Variants in PTPRF observed in about 807,000 individuals in gnomAD.
PTPRF encodes receptor-type tyrosine-protein phosphatase F.
In PTPRF, 59 loss-of-function variants were observed where a neutral mutation model predicts 201.8. The observed-to-expected ratio is 0.29, with a 90% CI of 0.24 to 0.36. The LOEUF (loss-of-function observed/expected upper bound fraction) is 0.36, where lower values mean the gene tolerates loss of function less well. Among genes scored for constraint, PTPRF ranks in the 10% least tolerant of loss-of-function variants. The probability of loss-of-function intolerance (pLI) is 1.00; values close to 1 mark genes in which losing one functional copy is unlikely to be tolerated. For missense variants in PTPRF, 2,132 were observed against 2,690.5 expected, an observed-to-expected ratio of 0.79 and a Z score of 4.59; for synonymous variants, 1,088 against 1,089.7, an observed-to-expected ratio of 1.00 and a Z score of 0.03.
intron 22 of PTPRF, chr1:43,612,938 A>G (rs1557856345): frequency 2.8e-6 from 2 of 712,972 alleles, no homozygotes; most frequent in South Asian, 1.5e-5. Flanking sequence ...CCCCAATCCC[A>G]CTGTCTCCTA....
intron 3 of PTPRF, among the ~76,000 whole-genome samples, chr1:43,547,184 C>T (rs1191904590): frequency 2.0e-5 from 3 of 152,204 alleles, no homozygotes; most frequent in Non-Finnish European, 2.9e-5. Flanking sequence ...TCCCTCCACC[C>T]ACCCCACTCA....
intron 3 of PTPRF, among the ~76,000 whole-genome samples, chr1:43,552,248 C>T (rs1645083305): frequency 6.6e-6 from 1 of 152,272 alleles, no homozygotes; most frequent in South Asian, 2.1e-4. Flanking sequence ...GCTTTGGCCC[C>T]CACCCACCAC....
At position 43,591,813 on chromosome 1, in the gene PTPRF, G is replaced by T; in HGVS notation, c.1533G>T (p.Val511=). Reference sequence around the variant, plus strand: ...CCTGCCTGGTGTGGGGTGTTGCAGTGCCTGCCCAGCCCGCGGACTTCCAGG... The same window carrying T: ...CCTGCCTGGTGTGGGGTGTTGCAGTTCCTGCCCAGCCCGCGGACTTCCAGG... The part of the protein sequence containing the change: ...PTIQVKTQQG[V]PAQPADFQAE... The change falls in exon 10 of 34, where the codon GTG becomes GTT. Residue 511 remains valine, a splice_region_variant and synonymous_variant. Coordinates refer to ENST00000359947, the MANE Select transcript of PTPRF (RefSeq NM_002840.5). 6.2e-7 allele frequency: 1 copy of T among 1,613,148 alleles called. No homozygotes were observed. The highest frequency in any genetic ancestry group is 8.5e-7 in the Non-Finnish European group (1 of 1,179,952).
In PTPRF at chr1:43,598,052, C is replaced by T. The variant is rs751206790; in HGVS notation, c.2118C>T (p.Asp706=). The change falls in exon 12 of 34, where the codon GAC becomes GAT. Residue 706 remains aspartate, a splice_region_variant and synonymous_variant. Coordinates refer to ENST00000359947, the MANE Select transcript of PTPRF (RefSeq NM_002840.5). The part of the protein sequence containing the change: ...SSPVLVRTDE[D]VPSGPPRKVE... Reference sequence around the variant, plus strand: ...CGGTGCTGGTGCGCACCGATGAGGACGGTAGGCAGTGCCACCGGGGCGGGA... The same window carrying T: ...CGGTGCTGGTGCGCACCGATGAGGATGGTAGGCAGTGCCACCGGGGCGGGA... The T allele has an allele frequency of 3.5e-5, 52 of 1,471,224 alleles. No individual in the cohort carries two copies. The Admixed American group carries it at 4.1e-4, about 11-fold the overall frequency. 91.1% of individuals were successfully genotyped at this position (1,471,224 alleles called of 1,614,324 possible).
upstream of PTPRF, among the ~76,000 whole-genome samples, chr1:43,526,431 C>CA (rs199965416): frequency 2.5e-4 from 38 of 151,170 alleles, 1 homozygote; most frequent in South Asian, 1.9e-3. Context: ...TTTGTCCCTA[C>CA]AAAAAAAATT....
chr1:43,604,024 A>C lies in PTPRF; in HGVS notation c.2872A>C (p.Ile958Leu), dbSNP rs763519084. The change falls in exon 16 of 34, where the codon ATC becomes CTC. Residue 958 changes from isoleucine (I) to leucine (L), a missense_variant. Ile to Leu is a conservative substitution (Grantham distance 5, BLOSUM62 2). This residue lies in a region of PTPRF where 818 missense variants were observed against 915.3 expected (regional missense o/e 0.89). Coordinates refer to ENST00000359947, the MANE Select transcript of PTPRF (RefSeq NM_002840.5). ...CAGCTACACCGTGGTGTTCCGAGACATCAACAGCCAACAGGAGCTGCAGAA... is the reference window on the plus strand; with the variant it reads ...CAGCTACACCGTGGTGTTCCGAGACCTCAACAGCCAACAGGAGCTGCAGAA... ...IISYTVVFRD[I>L]NSQQELQNIT... The C allele has an allele frequency of 1.4e-5, 22 of 1,614,090 alleles. No individual in the cohort carries two copies. The highest frequency in any genetic ancestry group is 8.9e-5 in the East Asian group (4 of 44,902).
intron 22 of PTPRF, chr1:43,613,022 G>A (rs367629168): frequency 1.4e-4 from 52 of 369,568 alleles, no homozygotes; most frequent in South Asian, 7.0e-4. Context: ...CACCGGCCCC[G>A]TCTCTGTTCT....
chr1:43,590,672 G>A (rs1490981782), intron 8 of PTPRF, among the ~76,000 whole-genome samples: 1 of 152,232 alleles, frequency 6.6e-6, no homozygotes, highest in Non-Finnish European at 1.5e-5. Flanking sequence ...ATCACCTCCA[G>A]GTCTGTTTGT....
rs143833153 is a variant in PTPRF, at chr1:43,603,793, G to A, written c.2641G>A (p.Gly881Ser). Residue 881 changes from glycine to serine, a missense_variant, in exon 16 of 34, where the codon GGC (glycine) becomes AGC (serine). Physicochemically the swap from Gly to Ser is moderately conservative, Grantham distance 56. This residue lies in a region of PTPRF where 818 missense variants were observed against 915.3 expected (regional missense o/e 0.89). Transcript: ENST00000359947. This position sits in a 1 kb window ranked among gnomAD's most constrained non-coding sequence, Gnocchi z 5.8. Reference protein sequence around the residue: ...GKDDQHFTVTGLHKGTTYIFR... With the variant: ...GKDDQHFTVTSLHKGTTYIFR... Reference sequence around the variant, plus strand: ...GGATGACCAGCACTTCACAGTCACCGGCCTGCACAAGGGGACCACCTACAT... The same window carrying A: ...GGATGACCAGCACTTCACAGTCACCAGCCTGCACAAGGGGACCACCTACAT... 253 of 1,613,986 alleles carry A rather than the reference G, an allele frequency of 1.6e-4. No homozygotes were observed. The highest frequency in any genetic ancestry group is 3.2e-4 in the African/African-American group (24 of 74,948).
intron 8 of PTPRF, among the ~76,000 whole-genome samples, chr1:43,590,713 C>A (rs748360050): frequency 2.0e-5 from 3 of 152,208 alleles, no homozygotes; most frequent in Non-Finnish European, 2.9e-5. Flanking sequence ...ATGGGAGGGT[C>A]CAGTGAATCC....
intron 22 of PTPRF, 132 bp from the exon 23 acceptor site, chr1:43,613,486 C>A: frequency 1.3e-6 from 1 of 764,722 alleles, no homozygotes; most frequent in Non-Finnish European, 2.4e-6. Context: ...GTGCTGCTGT[C>A]TCCATGCCAC....
In PTPRF at chr1:43,621,155, C is replaced by T. The variant is rs1570758725; in HGVS notation, c.5578C>T (p.Arg1860Cys). 3.1e-6 allele frequency: 5 copies of T among 1,613,974 alleles called. No homozygotes were observed. Among genetic ancestry groups the T allele is most frequent in the East Asian group, 2.2e-5 (1 of 44,898 alleles). ...TCTGAGCATCGTCCTGGAGCGCATG[C>T]GCTACGAGGGCGTGGTCGACATGTT... ...ITLSIVLERM[R>C]YEGVVDMFQT... Residue 1860 changes from arginine (R) to cysteine (C), a missense_variant, in exon 33 of 34, where the codon CGC (arginine) becomes TGC (cysteine). Around this residue, in one of 6 missense-constraint regions of PTPRF, gnomAD observed 519 missense variants for 659.5 expected, o/e 0.79. Transcript: ENST00000359947.
intron 17 of PTPRF, 31 bp downstream of exon 17, chr1:43,605,031 G>GCA: frequency 6.2e-7 from 1 of 1,603,422 alleles, no homozygotes; most frequent in Non-Finnish European, 8.5e-7. Flanking sequence ...GCTGAGCCTG[G>GCA]CACACACACA....
intron 7 of PTPRF, among the ~76,000 whole-genome samples, chr1:43,581,621 C>G (rs1335174246): frequency 6.6e-6 from 1 of 152,252 alleles, no homozygotes. Flanking sequence ...CTCAGCAGTA[C>G]TAGGGGCCCT....
At position 43,588,234 on chromosome 1, in the gene PTPRF, C is replaced by T. The variant is rs778882583; in HGVS notation, c.680-497C>T. Among the ~76,000 whole-genome samples the T allele has an allele frequency of 6.6e-6, 1 of 152,132 alleles. No homozygotes were observed. The highest frequency in any genetic ancestry group is 1.5e-5 in the Non-Finnish European group (1 of 68,036). ...CCTGGAGGTGGAGGCAGTGACTCCA[C>T]GGCAGGTGGCTGTGTCCCTCTGGAC... On this transcript the variant is annotated intron_variant, in intron 7 of 33. Coordinates refer to ENST00000359947, the MANE Select transcript of PTPRF (RefSeq NM_002840.5). The surrounding 1 kb of genome is among the most constrained non-coding windows in gnomAD (Gnocchi z 5.3).
At chr1:43,617,378 C>T in intron 23 of PTPRF, 67 bp from the exon 24 acceptor site, 1 of 1,599,262 alleles carries the variant, frequency 6.3e-7, no homozygotes, top group Non-Finnish European at 8.5e-7. Flanking sequence ...AGGCTGGGTC[C>T]CCTGCAGGAG....
rs1655126494 is a variant in PTPRF at position 43,606,425 on chromosome 1, T to C, written c.3669T>C (p.Phe1223=). ...PLSPDLSYQC[F]VLASLKEPMD... ...CTCCGGACTTGAGCTACCAGTGCTTTGTGCTTGCCTCCTTGAAGGAACCCA... is the reference window on the plus strand; with the variant it reads ...CTCCGGACTTGAGCTACCAGTGCTTCGTGCTTGCCTCCTTGAAGGAACCCA... The change falls in exon 20 of 34, where the codon TTT becomes TTC. Residue 1223 remains phenylalanine (F), a synonymous_variant. Transcript: ENST00000359947. The C allele has an allele frequency of 1.2e-6, 2 of 1,614,096 alleles. No homozygotes were observed. The highest frequency in any genetic ancestry group is 1.1e-5 in the South Asian group (1 of 91,082).
At chr1:43,604,584 G>A (rs915024466) in intron 16 of PTPRF, among the ~76,000 whole-genome samples, 2 of 152,172 alleles carry the variant, frequency 1.3e-5, no homozygotes, top group African/African-American at 2.4e-5. Context: ...TCTCATGACC[G>A]AAACCCACTG....
chr1:43,608,189 G>A (rs1185655267), intron 21 of PTPRF, among the ~76,000 whole-genome samples: 1 of 152,190 alleles, frequency 6.6e-6, no homozygotes, highest in African/African-American at 2.4e-5. Context: ...CAGAGAGGTA[G>A]ACCCCCTCCC....
Sources: gnomAD v4.1 joint callset for allele counts (sites outside exome capture counted in the v4.1 genomes callset) on GRCh38, gnomAD v4.1.1 for gene constraint, gnomAD v4.1.1 regional missense constraint, Gnocchi (gnomAD v3.1) non-coding constraint, MANE v1.5 for transcripts, NCBI Gene and HGNC (gene_info 2026-07-23, HGNC 2026-07-21) for gene names.